SERPINB7: variants seen among roughly 807,000 people sequenced by gnomAD.
SERPINB7 encodes serpin family B member 7, also known as serpin B7.
A neutral mutation model predicts 37.4 loss-of-function variants in SERPINB7; 31 were observed. The observed-to-expected ratio is 0.83, with a 90% CI of 0.62 to 1.12. The LOEUF is 1.12. Among genes scored for constraint, SERPINB7 ranks in the 50% most tolerant of loss-of-function variants. The probability of loss-of-function intolerance (pLI) is 0.00; values close to 1 mark genes in which losing one functional copy is unlikely to be tolerated. For synonymous variants in SERPINB7, 163 were observed against 166.1 expected (o/e 0.98, Z 0.14); for missense variants, 521 against 455.3 (o/e 1.14, Z -1.31).
upstream of SERPINB7, among the ~76,000 whole-genome samples, chr18:63,772,409 G>A (rs9952185): frequency 0.61 from 92,086 of 151,904 alleles, 29,859 homozygotes; most frequent in East Asian, 0.85. Flanking sequence ...TAAAGGATAA[G>A]AAAATAGAGG....
intron 2 of SERPINB7, among the ~76,000 whole-genome samples, chr18:63,785,177 AT>A (rs1270831946): frequency 6.6e-6 from 1 of 152,198 alleles, no homozygotes; most frequent in African/African-American, 2.4e-5. Flanking sequence ...TCCTCTGTAA[AT>A]GTCTTCTAGG....
chr18:63,773,543 A>G (rs200808006), upstream of SERPINB7, among the ~76,000 whole-genome samples: 2 of 152,196 alleles, frequency 1.3e-5, no homozygotes, highest in East Asian at 3.9e-4. Flanking sequence ...AGCCTTCTCT[A>G]CTGACACCTC....
Position 63,782,559 on chromosome 18 carries a change from A to C in SERPINB7, c.168+19A>C. ...TGATAAGGTCAGTCTCAGCTTTTGC[A>C]GTTAATCACTGGGACAAATTGTTTT... is the stretch of plus-strand genomic sequence containing the variant. On this transcript the variant is annotated intron_variant, in intron 2 of 7. Transcript: ENST00000398019. 6.3e-7 allele frequency: 1 copy of C among 1,576,932 alleles called. No homozygotes were observed. The highest frequency in any genetic ancestry group is 8.6e-7 in the Non-Finnish European group (1 of 1,158,824).
At chr18:63,788,467 G>A (rs1458114304) in intron 2 of SERPINB7, among the ~76,000 whole-genome samples, 1 of 152,098 alleles carries the variant, frequency 6.6e-6, no homozygotes, top group Non-Finnish European at 1.5e-5. Context: ...TGTTACAAAA[G>A]AATCAAAATG....
chr18:63,780,213 G>A (rs1164920738), intron 1 of SERPINB7, among the ~76,000 whole-genome samples: 6 of 151,728 alleles, frequency 4.0e-5, no homozygotes, highest in Non-Finnish European at 7.4e-5. Context: ...TCTGATTTTC[G>A]GCAACCAGCA....
intron 3 of SERPINB7, among the ~76,000 whole-genome samples, chr18:63,792,651 GGAGGTTAGCTTAAACCCAA>G (rs1215615338): frequency 2.0e-5 from 3 of 152,140 alleles, no homozygotes; most frequent in Non-Finnish European, 4.4e-5. Context: ...GGCTATGGTG[GGAGGTTAGCTTAAACCCAA>G]GAGATGGAAG....
chr18:63,792,474 G>A lies in SERPINB7; in HGVS notation c.219+31G>A, dbSNP rs374269571. 111 of 1,482,098 alleles carry A rather than the reference G, an allele frequency of 7.5e-5. No individual in the cohort carries two copies. In the African/African-American group the frequency reaches 1.4e-3, roughly 18 times the overall value. 91.8% of individuals were successfully genotyped at this position (1,482,098 alleles called of 1,614,324 possible). A position where few individuals can be genotyped will look rare whatever the true frequency, so the allele number is the denominator to read the frequency against. On this transcript the variant is annotated intron_variant, in intron 3 of 7. Transcript: ENST00000398019. ...GACAATATGTTCTTTTAGAAAAAGA[G>A]AAGGTGAGCCAGGTGCAGGGGCTCA...
chr18:63,758,021 A>G (rs1294486611), intron 1 of SERPINB7, among the ~76,000 whole-genome samples: 1 of 152,130 alleles, frequency 6.6e-6, no homozygotes, highest in East Asian at 1.9e-4. Flanking sequence ...TTACTATCAC[A>G]TTGCCACATT....
chr18:63,792,485 A>T, intron 3 of SERPINB7, 42 bp downstream of exon 3: 1 of 1,327,478 alleles, frequency 7.5e-7, no homozygotes, highest in Non-Finnish European at 1.1e-6. Context: ...AAGGTGAGCC[A>T]GGTGCAGGGG....
At chr18:63,788,481 T>C (rs564658796) in intron 2 of SERPINB7, among the ~76,000 whole-genome samples, 1 of 152,218 alleles carries the variant, frequency 6.6e-6, no homozygotes, top group Non-Finnish European at 1.5e-5. Context: ...CAAAATGTTT[T>C]TAAAAAATAA....
chr18:63,795,755 GC>G (rs1407000594), intron 4 of SERPINB7, among the ~76,000 whole-genome samples: 1 of 152,102 alleles, frequency 6.6e-6, no homozygotes, highest in Non-Finnish European at 1.5e-5. Context: ...AGGAAACATG[GC>G]ATTTTTGAGC....
chr18:63,761,436 C>A (rs1387280616), intron 1 of SERPINB7, among the ~76,000 whole-genome samples: 1 of 152,154 alleles, frequency 6.6e-6, no homozygotes, highest in Admixed American at 6.5e-5. Flanking sequence ...GGACTGTGAA[C>A]TTTTGGGTTA....
intron 6 of SERPINB7, among the ~76,000 whole-genome samples, chr18:63,800,264 G>A (rs1599021981): frequency 6.6e-6 from 1 of 151,690 alleles, no homozygotes; most frequent in African/African-American, 2.4e-5. Context: ...GTCTCGCCAT[G>A]TTGCTCAGCC....
At chr18:63,790,217 C>T (rs1410805880) in intron 2 of SERPINB7, among the ~76,000 whole-genome samples, 1 of 151,988 alleles carries the variant, frequency 6.6e-6, no homozygotes, top group East Asian at 1.9e-4. Context: ...AAACTAAGCC[C>T]ACTTAATATA....
intron 1 of SERPINB7, among the ~76,000 whole-genome samples, chr18:63,758,657 A>C (rs2049135246): frequency 2.0e-5 from 3 of 152,210 alleles, no homozygotes; most frequent in Admixed American, 6.5e-5. Flanking sequence ...TCCAATGACC[A>C]GAAGGTCATA....
At position 63,782,488 on chromosome 18, in the gene SERPINB7, TG is replaced by T; in HGVS notation, c.118del (p.Ala40ProfsTer41). 1 of 1,614,168 alleles carries T rather than the reference TG, an allele frequency of 6.2e-7. No homozygotes were observed. Among genetic ancestry groups the T allele is most frequent in the Non-Finnish European group, 8.5e-7 (1 of 1,179,978 alleles). On this transcript the variant is annotated frameshift_variant, in exon 2 of 8. Coordinates refer to ENST00000398019, the MANE Select transcript of SERPINB7 (RefSeq NM_003784.4). LOFTEE classifies it high-confidence loss of function. ...TCCTCTCTGAGCCTCTTCGCTGCCC[TG>T]GCCCTGGTCCGCTTGGGCGCTCAAG... Reference protein sequence around the residue: ...FFSSLSLFAALALVRLGAQDD... With the variant: ...FFSSLSLFAAXALVRLGAQDD...
At chr18:63,799,205 C>T (rs993029493) in intron 6 of SERPINB7, among the ~76,000 whole-genome samples, 7 of 152,184 alleles carry the variant, frequency 4.6e-5, no homozygotes, top group Non-Finnish European at 7.3e-5. Flanking sequence ...TTTCCAAGTA[C>T]AAGCCATATG....
At chr18:63,754,540 G>A (rs2049109510) in intron 1 of SERPINB7, among the ~76,000 whole-genome samples, 1 of 152,108 alleles carries the variant, frequency 6.6e-6, no homozygotes, top group Non-Finnish European at 1.5e-5. Context: ...AAAGACGCTG[G>A]TCAGAGGTAA....
At chr18:63,794,958 C>A (rs1026105659) in intron 4 of SERPINB7, among the ~76,000 whole-genome samples, 1 of 152,186 alleles carries the variant, frequency 6.6e-6, no homozygotes, top group African/African-American at 2.4e-5. Context: ...TGTAATACAT[C>A]TTTCTCTTCT....
Sources: allele counts gnomAD v4.1 joint callset (sites outside exome capture counted in the v4.1 genomes callset), GRCh38; gene constraint gnomAD v4.1.1; transcripts MANE v1.5; gene names NCBI Gene and HGNC (gene_info 2026-07-23, HGNC 2026-07-21).